THRB: variants seen among roughly 807,000 people sequenced by gnomAD.
THRB encodes nuclear receptor subfamily 1 group A member 2.
In THRB, 12 loss-of-function variants were observed where a neutral mutation model predicts 47.8. That is an observed-to-expected ratio of 0.25 (90% CI 0.16 to 0.41). The LOEUF is 0.41. Among genes scored for constraint, THRB ranks in the 10% least tolerant of loss-of-function variants. The pLI is 1.00. For synonymous variants in THRB, 218 were observed against 212.2 expected, an observed-to-expected ratio of 1.03 and a Z score of -0.24; for missense variants, 348 against 589.2, an observed-to-expected ratio of 0.59 and a Z score of 4.24.
intron 2 of THRB, among the ~76,000 whole-genome samples, chr3:24,311,636 T>G (rs1299368480): frequency 1.3e-5 from 2 of 152,204 alleles, no homozygotes; most frequent in Admixed American, 6.5e-5. Flanking sequence ...TTCTTATTGT[T>G]CTTTTCATTT....
At chr3:24,229,385 T>G (rs576914119) in intron 3 of THRB, among the ~76,000 whole-genome samples, 7 of 152,184 alleles carry the variant, frequency 4.6e-5, no homozygotes, top group Non-Finnish European at 7.4e-5. Flanking sequence ...AGTCTCGACA[T>G]TGCCTGAGAG....
At chr3:24,375,871 T>C (rs1056849559) in intron 1 of THRB, among the ~76,000 whole-genome samples, 3 of 152,260 alleles carry the variant, frequency 2.0e-5, no homozygotes, top group East Asian at 1.9e-4. Flanking sequence ...CAAAATTGTT[T>C]CAACAGATGA....
At chr3:24,369,444 A>G (rs1304874579) in intron 1 of THRB, among the ~76,000 whole-genome samples, 1 of 152,184 alleles carries the variant, frequency 6.6e-6, no homozygotes, top group African/African-American at 2.4e-5. Flanking sequence ...GTATTATTGC[A>G]CACATTGCCT....
intron 3 of THRB, among the ~76,000 whole-genome samples, chr3:24,295,520 G>C (rs1334012480): frequency 6.6e-6 from 1 of 152,166 alleles, no homozygotes; most frequent in African/African-American, 2.4e-5. Context: ...ACAAGTTTTT[G>C]TTCAGAAGTT....
chr3:24,197,516 T>C (rs1230964901), intron 4 of THRB, among the ~76,000 whole-genome samples: 4 of 152,226 alleles, frequency 2.6e-5, no homozygotes, highest in Non-Finnish European at 5.9e-5. Context: ...AAATGGTACA[T>C]GCGCCCTTTT....
At chr3:24,427,900 G>A (rs566476326) in intron 1 of THRB, among the ~76,000 whole-genome samples, 19 of 152,132 alleles carry the variant, frequency 1.2e-4, no homozygotes, top group African/African-American at 4.6e-4. Flanking sequence ...AATATCAGAA[G>A]AGACTTAGAT....
intron 5 of THRB, among the ~76,000 whole-genome samples, chr3:24,158,106 G>A (rs2038151497): frequency 6.6e-6 from 1 of 152,102 alleles, no homozygotes. Flanking sequence ...AAAAATCGTA[G>A]CAAATTTTTA....
chr3:24,131,508 G>A (rs950168165), intron 9 of THRB, among the ~76,000 whole-genome samples: 1 of 152,200 alleles, frequency 6.6e-6, no homozygotes, highest in Admixed American at 6.5e-5. Flanking sequence ...GTGGGTACTA[G>A]CATATCAGGT....
intron 9 of THRB, among the ~76,000 whole-genome samples, chr3:24,129,463 A>G (rs80245893): frequency 0.012 from 1,898 of 152,384 alleles, 55 homozygotes; most frequent in African/African-American, 0.043. Context: ...AATTCTGATT[A>G]TAGATGAAGT....
At chr3:24,438,855 C>T (rs187816736) in intron 1 of THRB, among the ~76,000 whole-genome samples, 34 of 152,222 alleles carry the variant, frequency 2.2e-4, no homozygotes, top group African/African-American at 7.0e-4. Flanking sequence ...GATCAGAAGT[C>T]CCCCTAAACA....
intron 5 of THRB, among the ~76,000 whole-genome samples, chr3:24,178,766 C>A (rs2041506022): frequency 6.6e-6 from 1 of 152,068 alleles, no homozygotes; most frequent in South Asian, 2.1e-4. Flanking sequence ...CTAAGGTCTG[C>A]AGCGGGGAGG....
intron 2 of THRB, among the ~76,000 whole-genome samples, chr3:24,329,699 G>A (rs1376332201): frequency 2.0e-5 from 3 of 152,198 alleles, no homozygotes. Flanking sequence ...CCCAGTTCAA[G>A]TGCTAGAATA....
chr3:24,284,181 T>C (rs1243280672), intron 3 of THRB, among the ~76,000 whole-genome samples: 2 of 149,408 alleles, frequency 1.3e-5, no homozygotes, highest in African/African-American at 2.5e-5. Flanking sequence ...CTTCAAACTA[T>C]ACTACAAGGC....
At chr3:24,290,927 C>T (rs1399611540) in intron 3 of THRB, among the ~76,000 whole-genome samples, 1 of 152,098 alleles carries the variant, frequency 6.6e-6, no homozygotes, top group Non-Finnish European at 1.5e-5. Context: ...GTAAGATGTC[C>T]TGTTCTCATG....
chr3:24,179,887 C>G (rs1166985009), intron 5 of THRB, among the ~76,000 whole-genome samples: 1 of 152,056 alleles, frequency 6.6e-6, no homozygotes, highest in Non-Finnish European at 1.5e-5. Flanking sequence ...AAATAAGACT[C>G]AAGCATAGAA....
At chr3:24,321,634 T>G (rs553610209) in intron 2 of THRB, among the ~76,000 whole-genome samples, 1 of 150,722 alleles carries the variant, frequency 6.6e-6, no homozygotes, top group East Asian at 1.9e-4. Flanking sequence ...CTAATATAAT[T>G]TTTTTTTTTC....
intron 2 of THRB, among the ~76,000 whole-genome samples, chr3:24,336,627 A>T (rs2149420425): frequency 6.6e-6 from 1 of 152,300 alleles, no homozygotes; most frequent in East Asian, 1.9e-4. Flanking sequence ...CTGAAAGGCA[A>T]ATTCAGAAGA....
chr3:24,196,475 C>T (rs1255551508), intron 4 of THRB, among the ~76,000 whole-genome samples: 1 of 152,194 alleles, frequency 6.6e-6, no homozygotes, highest in South Asian at 2.1e-4. Flanking sequence ...GTGTCCTGCA[C>T]ATTGTAAGCA....
intron 4 of THRB, among the ~76,000 whole-genome samples, chr3:24,210,116 A>G (rs1245822132): frequency 5.3e-5 from 8 of 152,192 alleles, no homozygotes; most frequent in Non-Finnish European, 7.3e-5. Flanking sequence ...TGGCAAGTTC[A>G]GGGGACGGTG....
Sources: gnomAD v4.1 joint callset for allele counts (sites outside exome capture counted in the v4.1 genomes callset) on GRCh38, gnomAD v4.1.1 for gene constraint, MANE v1.5 for transcripts, NCBI Gene and HGNC (gene_info 2026-07-23, HGNC 2026-07-21) for gene names.